NLGN4X: variants seen among roughly 807,000 people sequenced by gnomAD.
NLGN4X encodes neuroligin-4, X-linked.
In NLGN4X, 3 loss-of-function variants were observed where a neutral mutation model predicts 40.3. That is an observed-to-expected ratio of 0.07 (90% CI 0.03 to 0.19). The LOEUF (loss-of-function observed/expected upper bound fraction) is 0.19, where lower values mean the gene tolerates loss of function less well. Ranked by LOEUF, NLGN4X falls within the 10% of genes least tolerant of loss-of-function variation. The pLI is 1.00. For synonymous variants in NLGN4X, 270 were observed against 306.8 expected (o/e 0.88, Z 1.25); for missense variants, 382 against 708.3 (o/e 0.54, Z 5.23).
intron 1 of NLGN4X, among the ~76,000 whole-genome samples, chrX:6,171,578 C>T (rs751793088): frequency 1.2e-4 from 13 of 112,147 alleles, no homozygotes; most frequent in Non-Finnish European, 2.4e-4. Flanking sequence ...GGTAAATTTT[C>T]GGAAATGCTA....
intron 3 of NLGN4X, among the ~76,000 whole-genome samples, chrX:6,006,354 C>T (rs954091036): frequency 1.8e-5 from 2 of 110,444 alleles, no homozygotes; most frequent in Non-Finnish European, 3.8e-5. Flanking sequence ...GCATATGCAG[C>T]TGAAAATATA....
rs73627039 is a variant in NLGN4X, at chrX:5,977,325, A to T, written c.625+51955T>A. 9.1e-3 allele frequency among the ~76,000 whole-genome samples: 1,013 copies of T among 111,041 alleles called. 10 individuals carry two copies. Among genetic ancestry groups the T allele is most frequent in the African/African-American group, 0.032 (969 of 30,486 alleles). On this transcript the variant is annotated intron_variant, in intron 3 of 5. Coordinates refer to ENST00000381095, the MANE Select transcript of NLGN4X (RefSeq NM_181332.3). Reference sequence around the variant, plus strand: ...AGCCTCAAACACCTGGGCTCAAGTGATCCTATTGCCTCAGTCTCCTGAGTA... The same window carrying T: ...AGCCTCAAACACCTGGGCTCAAGTGTTCCTATTGCCTCAGTCTCCTGAGTA...
intron 1 of NLGN4X, among the ~76,000 whole-genome samples, chrX:6,215,991 C>T (rs1016797110): frequency 3.6e-5 from 4 of 109,971 alleles, no homozygotes; most frequent in African/African-American, 1.3e-4. Flanking sequence ...ATTCTCCTGC[C>T]TCAGCCTCCT....
chrX:6,026,018 C>G (rs1426005791), intron 3 of NLGN4X, among the ~76,000 whole-genome samples: 1 of 110,702 alleles, frequency 9.0e-6, no homozygotes, highest in Non-Finnish European at 1.9e-5. Context: ...TGTACAACAA[C>G]CTTGCAAGGG....
At chrX:5,931,532 T>C (rs2033544284) in intron 3 of NLGN4X, among the ~76,000 whole-genome samples, 1 of 112,128 alleles carries the variant, frequency 8.9e-6, no homozygotes, top group Non-Finnish European at 1.9e-5. Context: ...TCACCATTTC[T>C]CAATCCTCTT....
intron 2 of NLGN4X, among the ~76,000 whole-genome samples, chrX:6,127,363 C>T (rs1207545551): frequency 1.8e-5 from 2 of 112,681 alleles, no homozygotes; most frequent in African/African-American, 3.2e-5. Context: ...CCTGTAATCC[C>T]AGTACTTTGG....
At chrX:6,090,701 A>C (rs72609508) in intron 2 of NLGN4X, among the ~76,000 whole-genome samples, 5,512 of 111,645 alleles carry the variant, frequency 0.049, 131 homozygotes, top group East Asian at 0.15. Flanking sequence ...TTTTATTGAT[A>C]TGAAGTGTAT....
At chrX:6,014,762 T>C (rs1403209628) in intron 3 of NLGN4X, among the ~76,000 whole-genome samples, 2 of 111,748 alleles carry the variant, frequency 1.8e-5, no homozygotes, top group African/African-American at 3.3e-5. Flanking sequence ...AATGCCCCTT[T>C]ACATAGACAG....
At chrX:6,139,654 C>T (rs188083111) in intron 2 of NLGN4X, among the ~76,000 whole-genome samples, 1 of 111,717 alleles carries the variant, frequency 9.0e-6, no homozygotes, top group East Asian at 2.8e-4. Flanking sequence ...TTCAGATTTG[C>T]CTCCATTTTC....
chrX:5,939,880 G>C (rs1301904400), intron 3 of NLGN4X, among the ~76,000 whole-genome samples: 2 of 111,733 alleles, frequency 1.8e-5, no homozygotes, highest in East Asian at 5.7e-4. Flanking sequence ...CTACCTGGAG[G>C]TTCTTTCTGC....
intron 1 of NLGN4X, among the ~76,000 whole-genome samples, chrX:6,182,717 A>C (rs1921592546): frequency 9.0e-6 from 1 of 111,353 alleles, no homozygotes. Context: ...AGAGAGGGAG[A>C]TGTGACCTGC....
At position 5,903,783 on chromosome X, in the gene NLGN4X, T is replaced by A; in HGVS notation, c.895A>T (p.Ile299Leu). 8.3e-7 allele frequency: 1 copy of A among 1,211,806 alleles called. No homozygotes were observed. Among genetic ancestry groups the A allele is most frequent in the East Asian group, 3.0e-5 (1 of 33,811 alleles). Residue 299 changes from isoleucine (I) to leucine (L), a missense_variant, in exon 5 of 6, where the codon ATA becomes TTA. By Grantham distance (5) the Ile-to-Leu change is conservative. Transcript: ENST00000381095. Reference protein sequence around the residue: ...VNYQPAKYTRILADKVGCNML... With the variant: ...VNYQPAKYTRLLADKVGCNML... ...TTGCAGCCGACCTTGTCTGCCAATA[T>A]CCGAGTGTACTTGGCCGGCTGGTAG...
intron 1 of NLGN4X, among the ~76,000 whole-genome samples, chrX:6,167,203 T>C (rs1273379469): frequency 9.0e-6 from 1 of 111,259 alleles, no homozygotes; most frequent in African/African-American, 3.3e-5. Flanking sequence ...CCGGTAACCT[T>C]TGGTGGAACC....
chrX:6,133,616 A>C (rs891032124), intron 2 of NLGN4X, among the ~76,000 whole-genome samples: 4 of 111,959 alleles, frequency 3.6e-5, no homozygotes, highest in African/African-American at 1.3e-4. Context: ...TTTGCCATCA[A>C]TATCACCTCT....
At position 5,890,904 on chromosome X, in the gene NLGN4X, A is replaced by G; in HGVS notation, c.*1913T>C. 3.1e-6 allele frequency: 1 copy of G among 323,733 alleles called. No individual in the cohort carries two copies. The allele number at this position is 323,733 out of a possible 1,213,427, so 26.7% of individuals were successfully genotyped here. ...TATAGTTTGAGTGTAGGGATTCAGTAATCAAAGGTTGTTATTGCAAAAGAG... is the reference window on the plus strand; with the variant it reads ...TATAGTTTGAGTGTAGGGATTCAGTGATCAAAGGTTGTTATTGCAAAAGAG... On this transcript the variant is annotated 3_prime_UTR_variant, in exon 6 of 6. Transcript: ENST00000381095.
chrX:6,162,913 C>T (rs1366126573), intron 1 of NLGN4X, among the ~76,000 whole-genome samples: 1 of 111,941 alleles, frequency 8.9e-6, no homozygotes, highest in Non-Finnish European at 1.9e-5. Flanking sequence ...ACACAAATCT[C>T]ATCTTGAATT....
At chrX:6,170,110 G>A (rs1326159410) in intron 1 of NLGN4X, among the ~76,000 whole-genome samples, 6 of 109,162 alleles carry the variant, frequency 5.5e-5, no homozygotes, top group South Asian at 4.0e-4. Flanking sequence ...GGGCTCAAGC[G>A]AACCTCCCAC....
At chrX:5,926,984 T>C (rs867754018) in intron 3 of NLGN4X, among the ~76,000 whole-genome samples, 8 of 87,668 alleles carry the variant, frequency 9.1e-5, no homozygotes, top group African/African-American at 3.4e-4. Flanking sequence ...ATCTATCTGT[T>C]TCACAGGTTT....
chrX:5,926,084 G>T (rs912284969), intron 3 of NLGN4X, among the ~76,000 whole-genome samples: 1 of 103,516 alleles, frequency 9.7e-6, no homozygotes, highest in East Asian at 3.2e-4. Flanking sequence ...GAATCATGGG[G>T]GCAGTTTCCC....
Sources: allele counts gnomAD v4.1 joint callset (sites outside exome capture counted in the v4.1 genomes callset), GRCh38; gene constraint gnomAD v4.1.1; transcripts MANE v1.5; gene names NCBI Gene and HGNC (gene_info 2026-07-23, HGNC 2026-07-21).